LMOD1: variants seen among roughly 807,000 people sequenced by gnomAD.
LMOD1 encodes leiomodin 1.
Under a neutral mutation model 36.5 loss-of-function variants are expected in LMOD1, and 8 were observed. The ratio of observed to expected loss-of-function variants is 0.22; its 90% confidence interval spans 0.13 to 0.40. The LOEUF is 0.40. LMOD1 is among the 10% of genes least tolerant of loss of function. LMOD1 has a pLI of 1.00. For missense variants in LMOD1, 630 were observed against 751.1 expected (o/e 0.84, Z 1.88); for synonymous variants, 284 against 288.7 (o/e 0.98, Z 0.17).
chr1:201,930,794 G>A (rs541046535), intron 1 of LMOD1, among the ~76,000 whole-genome samples: 1 of 152,344 alleles, frequency 6.6e-6, no homozygotes, highest in African/African-American at 2.4e-5. Flanking sequence ...GCTGCTCACA[G>A]AGGAGATTAA....
intron 1 of LMOD1, among the ~76,000 whole-genome samples, chr1:201,905,170 G>T (rs116136676): frequency 4.6e-5 from 7 of 152,314 alleles, no homozygotes; most frequent in African/African-American, 1.2e-4. Context: ...GGGGAAGCCC[G>T]CAGGGGTGGT....
intron 2 of LMOD1, 43 bp from the exon 3 acceptor site, chr1:201,898,441 C>G (rs1351626353): frequency 6.3e-7 from 1 of 1,578,214 alleles, no homozygotes; most frequent in Non-Finnish European, 8.7e-7. Flanking sequence ...GGGAGCTCAG[C>G]CACCTCACCT....
chr1:201,909,564 G>C (rs535894374), intron 1 of LMOD1, among the ~76,000 whole-genome samples: 257 of 152,114 alleles, frequency 1.7e-3, no homozygotes, highest in Non-Finnish European at 2.8e-3. Flanking sequence ...TATTTCTGAA[G>C]GGCATGGTCC....
At chr1:201,923,521 G>A (rs182598299) in intron 1 of LMOD1, among the ~76,000 whole-genome samples, 78 of 152,170 alleles carry the variant, frequency 5.1e-4, no homozygotes, top group Middle Eastern at 6.8e-3. Flanking sequence ...AGGAGTTTGA[G>A]ATCAGCCTGG....
At chr1:201,933,900 T>C (rs1681971557) in intron 1 of LMOD1, among the ~76,000 whole-genome samples, 1 of 152,156 alleles carries the variant, frequency 6.6e-6, no homozygotes, top group Non-Finnish European at 1.5e-5. Flanking sequence ...TAAATGCTTG[T>C]CTGAGACCAC....
At chr1:201,926,132 A>T (rs902587705) in intron 1 of LMOD1, among the ~76,000 whole-genome samples, 6 of 152,140 alleles carry the variant, frequency 3.9e-5, no homozygotes, top group African/African-American at 1.4e-4. Context: ...TCAAAGCGAG[A>T]GGGAGGTGGG....
At chr1:201,929,570 TA>T (rs1681884758) in intron 1 of LMOD1, among the ~76,000 whole-genome samples, 1 of 152,160 alleles carries the variant, frequency 6.6e-6, no homozygotes, top group African/African-American at 2.4e-5. Flanking sequence ...AAAAAGAGGA[TA>T]AAAAAGGATC....
intron 1 of LMOD1, among the ~76,000 whole-genome samples, chr1:201,944,032 C>T (rs1036478623): frequency 3.3e-5 from 5 of 152,200 alleles, no homozygotes; most frequent in African/African-American, 1.2e-4. Flanking sequence ...GCATGCACCC[C>T]GAACTCCAGC....
intron 1 of LMOD1, among the ~76,000 whole-genome samples, chr1:201,945,211 CA>C (rs147426636): frequency 0.018 from 2,697 of 149,376 alleles, 82 homozygotes; most frequent in African/African-American, 0.062. Flanking sequence ...GCAATAGTGA[CA>C]AAAAAAAAAT....
intron 1 of LMOD1, among the ~76,000 whole-genome samples, chr1:201,918,759 A>C (rs1285356713): frequency 2.0e-5 from 3 of 152,196 alleles, no homozygotes; most frequent in Non-Finnish European, 4.4e-5. Context: ...CAAGGTACCC[A>C]TTGCCCAGCT....
chr1:201,924,369 G>C (rs1265096684), intron 1 of LMOD1, among the ~76,000 whole-genome samples: 1 of 86,848 alleles, frequency 1.2e-5, no homozygotes, highest in Non-Finnish European at 2.5e-5. Flanking sequence ...GGGAGAGAGG[G>C]AGGGAGGGAG....
At chr1:201,917,993 G>A (rs116138872) in intron 1 of LMOD1, among the ~76,000 whole-genome samples, 3,124 of 152,300 alleles carry the variant, frequency 0.021, 113 homozygotes, top group African/African-American at 0.071. Flanking sequence ...AGGGCCCTAC[G>A]CTTGGTTTAA....
chr1:201,896,542 G>A lies in LMOD1; in HGVS notation c.*1830C>T, dbSNP rs1335218933. 1 of 456,718 alleles carries A rather than the reference G, an allele frequency of 2.2e-6. No homozygotes were observed. 28.3% of individuals were successfully genotyped at this position (456,718 alleles called of 1,614,324 possible). ...ATTCTATCTGCAAAATAGAATATTGGTATCCACCTCACAGAGTTGAAGGAT... is the reference window on the plus strand; with the variant it reads ...ATTCTATCTGCAAAATAGAATATTGATATCCACCTCACAGAGTTGAAGGAT... On this transcript the variant is annotated 3_prime_UTR_variant, in exon 3 of 3. Transcript: ENST00000367288.
intron 1 of LMOD1, among the ~76,000 whole-genome samples, chr1:201,930,248 G>A (rs1010482758): frequency 6.6e-6 from 1 of 152,162 alleles, no homozygotes; most frequent in African/African-American, 2.4e-5. Context: ...CACAGGGAAG[G>A]TCAACTGTGG....
intron 1 of LMOD1, among the ~76,000 whole-genome samples, chr1:201,906,392 T>G (rs1681413592): frequency 6.6e-6 from 1 of 152,170 alleles, no homozygotes; most frequent in African/African-American, 2.4e-5. Flanking sequence ...AACATTCCCC[T>G]GCATTTCCCA....
chr1:201,899,859 G>T lies in LMOD1; in HGVS notation c.1154C>A (p.Ala385Asp). 6.2e-7 allele frequency: 1 copy of T among 1,614,034 alleles called. No homozygotes were observed. The highest frequency in any genetic ancestry group is 1.3e-5 in the African/African-American group (1 of 75,072). The change falls in exon 2 of 3, where the codon GCC becomes GAC. Residue 385 changes from alanine (A) to aspartate (D), a missense_variant. By Grantham distance (126) the Ala-to-Asp change is moderately radical. Around this residue, in one of 3 missense-constraint regions of LMOD1, gnomAD observed 81 missense variants for 180.6 expected, o/e 0.45. Coordinates refer to ENST00000367288, the MANE Select transcript of LMOD1 (RefSeq NM_012134.3). This position sits in a 1 kb window ranked among gnomAD's most constrained non-coding sequence, Gnocchi z 6.3. ...VAFAIAIMLK[A>D]NKTITSLNLD... The stretch of plus-strand genomic sequence containing the variant: ...GTTGAGGCTGGTGATGGTCTTGTTG[G>T]CCTTGAGCATGATGGCAATGGCAAA...
chr1:201,913,158 C>T (rs1346209294), intron 1 of LMOD1, among the ~76,000 whole-genome samples: 1 of 152,190 alleles, frequency 6.6e-6, no homozygotes, highest in African/African-American at 2.4e-5. Flanking sequence ...TGTCCATCTT[C>T]ACCCTTTCTC....
At chr1:201,924,592 G>GAAA in intron 1 of LMOD1, among the ~76,000 whole-genome samples, 1 of 144,014 alleles carries the variant, frequency 6.9e-6, no homozygotes, top group African/African-American at 2.6e-5. Flanking sequence ...AAGGAGGGAG[G>GAAA]GAGGGAAGGA....
chr1:201,920,126 C>T (rs962386345), intron 1 of LMOD1, among the ~76,000 whole-genome samples: 85 of 121,740 alleles, frequency 7.0e-4, no homozygotes, highest in African/African-American at 2.6e-3. Context: ...ATGGCATGAT[C>T]TTGGCTCACT....
Sources: allele counts gnomAD v4.1 joint callset (sites outside exome capture counted in the v4.1 genomes callset), GRCh38; gene constraint gnomAD v4.1.1; regional missense constraint gnomAD v4.1.1; non-coding constraint Gnocchi (gnomAD v3.1); transcripts MANE v1.5; gene names NCBI Gene and HGNC (gene_info 2026-07-23, HGNC 2026-07-21).